Variants in EDIL3 observed in about 807,000 individuals in gnomAD.
EDIL3 encodes EGF-like repeat and discoidin I-like domain-containing protein 3.
EDIL3 carries 37 observed loss-of-function variants against 67.4 expected under a neutral mutation model. The ratio of observed to expected loss-of-function variants is 0.55; its 90% CI spans 0.42 to 0.72. The LOEUF (loss-of-function observed/expected upper bound fraction) is 0.72. Among genes scored for constraint, EDIL3 ranks in the 30% least tolerant of loss-of-function variants. The pLI, the probability that EDIL3 is intolerant of heterozygous loss-of-function variation, is 0.00. For synonymous variants in EDIL3, 195 were observed against 196.3 expected (o/e 0.99, Z 0.05); for missense variants, 527 against 586.3 (o/e 0.90, Z 1.04).
chr5:83,997,312 T>C (rs1745253239), intron 9 of EDIL3, among the ~76,000 whole-genome samples: 1 of 152,038 alleles, frequency 6.6e-6, no homozygotes, highest in Non-Finnish European at 1.5e-5. Context: ...GAAATGAAAA[T>C]GATGAACTAA....
intron 1 of EDIL3, among the ~76,000 whole-genome samples, chr5:84,263,430 G>A (rs1312516039): frequency 2.0e-5 from 3 of 152,184 alleles, no homozygotes; most frequent in South Asian, 2.1e-4. Context: ...AATCAAAGGG[G>A]TAGGTGTATT....
At chr5:84,077,796 T>A (rs1048079541) in intron 6 of EDIL3, among the ~76,000 whole-genome samples, 15 of 151,974 alleles carry the variant, frequency 9.9e-5, no homozygotes, top group Admixed American at 9.2e-4. Context: ...CCTCTTCCCC[T>A]CCTCCTCCTC....
At chr5:84,309,141 G>A (rs1423552416) in intron 1 of EDIL3, among the ~76,000 whole-genome samples, 3 of 152,062 alleles carry the variant, frequency 2.0e-5, no homozygotes, top group South Asian at 4.1e-4. Flanking sequence ...GCATAATTAT[G>A]TTGAAGATTA....
chr5:84,050,194 T>C (rs1469986524), intron 9 of EDIL3, among the ~76,000 whole-genome samples: 13 of 69,100 alleles, frequency 1.9e-4, no homozygotes, highest in Non-Finnish European at 4.6e-5. Context: ...CGAAACTCCA[T>C]CTCAAAAAAA....
chr5:84,112,708 A>G (rs186831463), intron 5 of EDIL3, among the ~76,000 whole-genome samples: 4 of 152,236 alleles, frequency 2.6e-5, no homozygotes, highest in Admixed American at 2.6e-4. Flanking sequence ...CAACTCATCC[A>G]CATGTTTATG....
intron 4 of EDIL3, among the ~76,000 whole-genome samples, chr5:84,161,791 A>G (rs1189085413): frequency 1.3e-5 from 2 of 152,238 alleles, no homozygotes; most frequent in South Asian, 2.1e-4. Flanking sequence ...CTGGGTCACA[A>G]TGGAAACTCT....
At chr5:84,216,737 T>G (rs1202041458) in intron 3 of EDIL3, among the ~76,000 whole-genome samples, 1 of 152,184 alleles carries the variant, frequency 6.6e-6, no homozygotes, top group Non-Finnish European at 1.5e-5. Flanking sequence ...AATCACAATA[T>G]TAATATGGCA....
chr5:84,175,172 C>G (rs1241208652), intron 4 of EDIL3, among the ~76,000 whole-genome samples: 2 of 152,080 alleles, frequency 1.3e-5, no homozygotes, highest in Non-Finnish European at 2.9e-5. Context: ...CCTCTCGAAC[C>G]TTGTGCCATC....
At chr5:83,974,974 A>G (rs1278704239) in intron 9 of EDIL3, among the ~76,000 whole-genome samples, 1 of 152,028 alleles carries the variant, frequency 6.6e-6, no homozygotes, top group Non-Finnish European at 1.5e-5. Flanking sequence ...GGTAAAGTAT[A>G]GAACCAGATG....
chr5:84,213,118 C>T (rs1744161778), intron 3 of EDIL3, among the ~76,000 whole-genome samples: 1 of 151,730 alleles, frequency 6.6e-6, no homozygotes, highest in African/African-American at 2.4e-5. Flanking sequence ...CTTGCTTGAG[C>T]ATTCTGGCTA....
At chr5:84,034,260 C>A (rs996416754) in intron 9 of EDIL3, among the ~76,000 whole-genome samples, 1 of 152,158 alleles carries the variant, frequency 6.6e-6, no homozygotes, top group East Asian at 1.9e-4. Context: ...TAGATGCAAT[C>A]ATTTCATTGA....
chr5:84,014,049 G>A (rs369955804), intron 9 of EDIL3, among the ~76,000 whole-genome samples: 1 of 152,116 alleles, frequency 6.6e-6, no homozygotes, highest in East Asian at 1.9e-4. Flanking sequence ...CCTAACAATT[G>A]GACCAGTTCT....
chr5:84,229,994 A>G, intron 2 of EDIL3, 110 bp from the exon 3 acceptor site: 1 of 998,820 alleles, frequency 1.0e-6, no homozygotes, highest in Admixed American at 2.9e-5. Flanking sequence ...ACATAAATAT[A>G]TTTCACATTT....
At chr5:83,956,013 T>TA (rs1288298121) in intron 10 of EDIL3, among the ~76,000 whole-genome samples, 2 of 151,794 alleles carry the variant, frequency 1.3e-5, no homozygotes, top group African/African-American at 2.4e-5. Flanking sequence ...AATGACTTCT[T>TA]AAAAAATCAC....
At chr5:84,017,294 C>T (rs531868070) in intron 9 of EDIL3, among the ~76,000 whole-genome samples, 6 of 152,208 alleles carry the variant, frequency 3.9e-5, no homozygotes, top group Admixed American at 1.3e-4. Flanking sequence ...TTGCTACTGG[C>T]GAGCTTTTCC....
chr5:84,078,986 C>T (rs1193331515), intron 6 of EDIL3, among the ~76,000 whole-genome samples: 3 of 152,152 alleles, frequency 2.0e-5, no homozygotes, highest in Non-Finnish European at 4.4e-5. Flanking sequence ...CTGCCCCGTC[C>T]TCTAGGAAGA....
intron 6 of EDIL3, among the ~76,000 whole-genome samples, chr5:84,073,744 A>C (rs1424572350): frequency 1.3e-5 from 2 of 151,964 alleles, no homozygotes; most frequent in East Asian, 3.9e-4. Flanking sequence ...GGTAGGAAGA[A>C]TCAATATCGT....
chr5:84,289,695 T>G (rs972656648), intron 1 of EDIL3, among the ~76,000 whole-genome samples: 3 of 152,192 alleles, frequency 2.0e-5, no homozygotes, highest in Non-Finnish European at 2.9e-5. Flanking sequence ...GACACTTTCC[T>G]TATTGATAGC....
At chr5:84,107,516 A>G (rs1352123674) in intron 5 of EDIL3, among the ~76,000 whole-genome samples, 1 of 151,606 alleles carries the variant, frequency 6.6e-6, no homozygotes, top group African/African-American at 2.4e-5. Context: ...GTAAATCAAG[A>G]TATTAAAATA....
Sources: allele counts gnomAD v4.1 joint callset (sites outside exome capture counted in the v4.1 genomes callset), GRCh38; gene constraint gnomAD v4.1.1; transcripts MANE v1.5; gene names NCBI Gene and HGNC (gene_info 2026-07-23, HGNC 2026-07-21).